The following RORA variants were observed in gnomAD, a reference collection of about 807,000 sequenced individuals.
The protein encoded by RORA is RAR related orphan receptor A, also known as nuclear receptor ROR-alpha.
A neutral mutation model predicts 69.5 loss-of-function variants in RORA; 7 were observed. The ratio of observed to expected loss-of-function variants is 0.10; its 90% CI spans 0.06 to 0.19. RORA has a LOEUF of 0.19. Among genes scored for constraint, RORA ranks in the 10% least tolerant of loss-of-function variants. RORA has a pLI of 1.00. For synonymous variants in RORA, 261 were observed against 240.8 expected, an observed-to-expected ratio of 1.08 and a Z score of -0.78; for missense variants, 457 against 663.0, an observed-to-expected ratio of 0.69 and a Z score of 3.41.
intron 1 of RORA, among the ~76,000 whole-genome samples, chr15:60,933,191 C>A (rs1006143194): frequency 6.6e-6 from 1 of 152,182 alleles, no homozygotes; most frequent in African/African-American, 2.4e-5. Context: ...AATCTTCCAA[C>A]CCAAATTCTC....
intron 1 of RORA, among the ~76,000 whole-genome samples, chr15:61,039,563 G>A (rs1896632754): frequency 6.6e-6 from 1 of 151,730 alleles, no homozygotes; most frequent in Non-Finnish European, 1.5e-5. Flanking sequence ...GACCAACATG[G>A]TGAAACCTGT....
chr15:60,614,892 A>G, intron 2 of RORA: 1 of 1,611,156 alleles, frequency 6.2e-7, no homozygotes, highest in South Asian at 1.1e-5. Flanking sequence ...CAAATAACGC[A>G]CCTTTTCTCA....
At chr15:60,501,968 T>C (rs1488996771) in intron 8 of RORA, among the ~76,000 whole-genome samples, 1 of 152,214 alleles carries the variant, frequency 6.6e-6, no homozygotes, top group African/African-American at 2.4e-5. Flanking sequence ...ATTTAAATTA[T>C]AGAAATCCAA....
At chr15:61,003,279 T>A (rs1249969985) in intron 1 of RORA, among the ~76,000 whole-genome samples, 1 of 152,156 alleles carries the variant, frequency 6.6e-6, no homozygotes, top group Non-Finnish European at 1.5e-5. Flanking sequence ...TTATAAGAAA[T>A]AATCTCCAAG....
At chr15:60,572,066 C>T (rs2067898529) in intron 2 of RORA, among the ~76,000 whole-genome samples, 1 of 152,230 alleles carries the variant, frequency 6.6e-6, no homozygotes, top group African/African-American at 2.4e-5. Flanking sequence ...AAATTCCATG[C>T]ATGAGATTCC....
At chr15:60,642,077 G>C (rs2069954061) in intron 2 of RORA, among the ~76,000 whole-genome samples, 1 of 152,166 alleles carries the variant, frequency 6.6e-6, no homozygotes, top group Non-Finnish European at 1.5e-5. Context: ...AAGTGGCTCA[G>C]GTGAGCTCGG....
chr15:60,840,237 C>T (rs554880101), intron 1 of RORA, among the ~76,000 whole-genome samples: 114 of 152,310 alleles, frequency 7.5e-4, no homozygotes, highest in Non-Finnish European at 1.4e-3. Flanking sequence ...ACTTTTGACT[C>T]GGAGGGCTCA....
intron 3 of RORA, among the ~76,000 whole-genome samples, chr15:60,523,458 A>G (rs868095522): frequency 2.6e-5 from 4 of 152,208 alleles, no homozygotes; most frequent in Non-Finnish European, 5.9e-5. Context: ...AATTATATCA[A>G]TGAGATAGAT....
At chr15:61,134,835 T>C (rs2079221579) in intron 1 of RORA, among the ~76,000 whole-genome samples, 1 of 152,086 alleles carries the variant, frequency 6.6e-6, no homozygotes, top group African/African-American at 2.4e-5. Flanking sequence ...CCTTCTTCAG[T>C]GGGTCACTCA....
intron 1 of RORA, among the ~76,000 whole-genome samples, chr15:60,812,061 A>G (rs1446190372): frequency 6.6e-6 from 1 of 152,216 alleles, no homozygotes; most frequent in African/African-American, 2.4e-5. Context: ...CGTGTTTATA[A>G]GCATGGCATC....
chr15:60,592,742 G>C, intron 2 of RORA: 8 of 1,076,472 alleles, frequency 7.4e-6, no homozygotes, highest in Non-Finnish European at 9.2e-6. Flanking sequence ...CACCCCGGCC[G>C]GGCCTGCCCT....
intron 1 of RORA, among the ~76,000 whole-genome samples, chr15:61,025,442 A>G (rs1176801423): frequency 6.6e-6 from 1 of 152,198 alleles, no homozygotes; most frequent in Non-Finnish European, 1.5e-5. Context: ...CAGCAGGGCA[A>G]ACCCTGTTAT....
intron 2 of RORA, among the ~76,000 whole-genome samples, chr15:60,597,416 G>C (rs559310959): frequency 6.7e-6 from 1 of 148,248 alleles, no homozygotes; most frequent in Non-Finnish European, 1.5e-5. Flanking sequence ...GCAGGAAGGG[G>C]AGAAATGCAA....
chr15:60,709,518 C>A (rs182655056), intron 1 of RORA, among the ~76,000 whole-genome samples: 1 of 152,038 alleles, frequency 6.6e-6, no homozygotes, highest in Non-Finnish European at 1.5e-5. Context: ...CGAGGGTGAA[C>A]CAGCATTTCC....
At chr15:61,218,312 G>A (rs1325670440) in intron 1 of RORA, among the ~76,000 whole-genome samples, 1 of 151,980 alleles carries the variant, frequency 6.6e-6, no homozygotes, top group African/African-American at 2.4e-5. Flanking sequence ...GTTAGGACCT[G>A]TAATATTCAA....
chr15:60,709,596 T>C (rs1381025533), intron 1 of RORA, among the ~76,000 whole-genome samples: 2 of 151,758 alleles, frequency 1.3e-5, no homozygotes, highest in African/African-American at 4.8e-5. Flanking sequence ...AACCCTGTTG[T>C]GAAGTGCACA....
At position 60,988,642 on chromosome 15, in the gene RORA, G is replaced by A. The variant is rs188483182; in HGVS notation, c.166+240411C>T. On this transcript the variant is annotated intron_variant, in intron 1 of 10. Coordinates refer to ENST00000335670, the MANE Select transcript of RORA (RefSeq NM_134261.3). ...GCTTCCTTGGCAAATACCTGCCCTA[G>A]ATGAAGTGCTCCAAACGCTGTAGCT... Among the ~76,000 whole-genome samples, 152 of 152,302 alleles carry A rather than the reference G, an allele frequency of 1.0e-3. 2 individuals are homozygous for A. In the South Asian group the frequency reaches 0.018, roughly 18 times the overall value.
intron 1 of RORA, among the ~76,000 whole-genome samples, chr15:61,172,769 G>A (rs778186091): frequency 2.6e-5 from 4 of 152,030 alleles, no homozygotes; most frequent in Non-Finnish European, 5.9e-5. Flanking sequence ...TCATTTCCAG[G>A]GTAAATCACA....
intron 1 of RORA, among the ~76,000 whole-genome samples, chr15:61,079,756 A>G (rs944618296): frequency 6.6e-5 from 10 of 152,214 alleles, no homozygotes; most frequent in Non-Finnish European, 1.0e-4. Flanking sequence ...CTTATCCACA[A>G]TGAGCTGGCT....
Sources: gnomAD v4.1 joint callset for allele counts (sites outside exome capture counted in the v4.1 genomes callset) on GRCh38, gnomAD v4.1.1 for gene constraint, MANE v1.5 for transcripts, NCBI Gene and HGNC (gene_info 2026-07-23, HGNC 2026-07-21) for gene names.